The following SASS6 variants were observed in gnomAD, a reference collection of about 807,000 sequenced individuals.
The protein encoded by SASS6 is spindle assembly abnormal protein 6 homolog.
SASS6 carries 59 observed loss-of-function variants against 94.9 expected under a neutral mutation model. That is an observed-to-expected ratio of 0.62 (90% CI 0.50 to 0.77). The LOEUF is 0.77. Among genes scored for constraint, SASS6 ranks in the 30% least tolerant of loss-of-function variants. The probability of loss-of-function intolerance (pLI) is 0.00; values close to 1 mark genes in which losing one functional copy is unlikely to be tolerated. For synonymous variants in SASS6, 264 were observed against 270.0 expected (o/e 0.98, Z 0.22); for missense variants, 698 against 734.1 (o/e 0.95, Z 0.57).
chr1:100,131,392 CTT>C (rs1326303831), intron 1 of SASS6, among the ~76,000 whole-genome samples: 2 of 152,018 alleles, frequency 1.3e-5, no homozygotes, highest in Admixed American at 1.3e-4. Context: ...TTTAAAAAGA[CTT>C]TTAAAAGCAG....
At position 100,093,174 on chromosome 1, in the gene SASS6, C is replaced by CTTTTT. The variant is rs909537970; in HGVS notation, c.1675-4943_1675-4939dup. ...ACAAAAACAGAATACCTATTGTTTT[C>CTTTTT]TTTTTTTTTTTTTTTTTTTTTTTTG... On this transcript the variant is annotated intron_variant, in intron 14 of 16. Transcript: ENST00000287482. Among the ~76,000 whole-genome samples, 295 of 87,438 alleles carry CTTTTT rather than the reference C, an allele frequency of 3.4e-3. 2 individuals carry two copies. The highest frequency in any genetic ancestry group is 4.7e-3 in the East Asian group (12 of 2,572). 57.4% of individuals were successfully genotyped at this position (87,438 alleles called of 152,430 possible). A position where few individuals can be genotyped will look rare whatever the true frequency, so the allele number is the denominator to read the frequency against.
chr1:100,092,098 C>G (rs1025075675), intron 14 of SASS6, among the ~76,000 whole-genome samples: 1 of 150,252 alleles, frequency 6.7e-6, no homozygotes, highest in African/African-American at 2.4e-5. Context: ...CTTAGTAAAC[C>G]CCCAAAAGGA....
chr1:100,098,660 G>A (rs1652260873), intron 14 of SASS6, among the ~76,000 whole-genome samples: 1 of 150,490 alleles, frequency 6.6e-6, no homozygotes, highest in African/African-American at 2.5e-5. Flanking sequence ...CACTGTATGA[G>A]CATCTGGATT....
chr1:100,112,926 T>G lies in SASS6; in HGVS notation c.670-2443A>C, dbSNP rs183817990. On this transcript the variant is annotated intron_variant, in intron 7 of 16. Coordinates refer to ENST00000287482, the MANE Select transcript of SASS6 (RefSeq NM_194292.3). ...CAAATGATTCTCACGCACACTAAAG[T>G]TTTACATTATCTATTAGCAGGAAGA... is the stretch of plus-strand genomic sequence containing the variant. 2.1e-3 allele frequency among the ~76,000 whole-genome samples: 318 copies of G among 152,272 alleles called. 4 individuals are homozygous for G. The highest frequency in any genetic ancestry group is 1.6e-3 in the Non-Finnish European group (107 of 68,026).
rs562800173 is a variant in SASS6, at chr1:100,094,240, T to C, written c.1675-6004A>G. Among the ~76,000 whole-genome samples, 7 of 152,178 alleles carry C rather than the reference T, an allele frequency of 4.6e-5. No individual in the cohort carries two copies. In the South Asian group the frequency reaches 1.4e-3, roughly 32 times the overall value. ...TTAATCCTGTGAAAGTCACAAACTATCGAAACTGGCCTAAGAAGAAATAAA... is the reference window on the plus strand; with the variant it reads ...TTAATCCTGTGAAAGTCACAAACTACCGAAACTGGCCTAAGAAGAAATAAA... On this transcript the variant is annotated intron_variant, in intron 14 of 16. Coordinates refer to ENST00000287482, the MANE Select transcript of SASS6 (RefSeq NM_194292.3).
At position 100,102,993 on chromosome 1, in the gene SASS6, A is replaced by C. The variant is rs1216229857; in HGVS notation, c.1636T>G (p.Ser546Ala). The change falls in exon 14 of 17, where the codon TCT becomes GCT. Residue 546 changes from serine to alanine, a missense_variant. Coordinates refer to ENST00000287482, the MANE Select transcript of SASS6 (RefSeq NM_194292.3). The part of the protein sequence containing the change: ...AFQNTFPHSI[S>A]AKNTSHPGSG... ...CCAGGGTGGCTGGTATTTTTGGCAG[A>C]TATCGAATGAGGGAAGGTATTCTGG... 5 of 1,612,048 alleles carry C rather than the reference A, an allele frequency of 3.1e-6. No individual in the cohort carries two copies. Among genetic ancestry groups the C allele is most frequent in the Non-Finnish European group, 4.2e-6 (5 of 1,178,446 alleles).
At chr1:100,103,417 T>G (rs978393839) in intron 13 of SASS6, among the ~76,000 whole-genome samples, 1 of 152,148 alleles carries the variant, frequency 6.6e-6, no homozygotes, top group Non-Finnish European at 1.5e-5. Context: ...AGTCTGGAGA[T>G]CAATAGGCCA....
At chr1:100,095,652 C>T (rs1270209853) in intron 14 of SASS6, among the ~76,000 whole-genome samples, 1 of 152,212 alleles carries the variant, frequency 6.6e-6, no homozygotes, top group Non-Finnish European at 1.5e-5. Flanking sequence ...GATGACATAA[C>T]TGTCTATGTG....
chr1:100,101,188 G>A (rs1652472898), intron 14 of SASS6, among the ~76,000 whole-genome samples: 1 of 152,028 alleles, frequency 6.6e-6, no homozygotes, highest in African/African-American at 2.4e-5. Context: ...GGTTGATAGA[G>A]GCAGGTTTTA....
chr1:100,104,095 G>C (rs143417462), intron 13 of SASS6, among the ~76,000 whole-genome samples: 3 of 152,196 alleles, frequency 2.0e-5, no homozygotes, highest in Non-Finnish European at 4.4e-5. Context: ...ATAAATGTAT[G>C]ACTGGGTATC....
At chr1:100,129,063 A>G (rs1654830347) in intron 1 of SASS6, among the ~76,000 whole-genome samples, 1 of 152,018 alleles carries the variant, frequency 6.6e-6, no homozygotes, top group Non-Finnish European at 1.5e-5. Context: ...ACATAGCAAA[A>G]TCCTATCTCT....
At chr1:100,098,452 C>A (rs1319387283) in intron 14 of SASS6, among the ~76,000 whole-genome samples, 1 of 151,892 alleles carries the variant, frequency 6.6e-6, no homozygotes, top group Non-Finnish European at 1.5e-5. Context: ...TTTTACAGAA[C>A]AGGAAACATA....
chr1:100,121,483 T>A lies in SASS6; in HGVS notation c.378A>T (p.Val126=). 1 of 1,597,022 alleles carries A rather than the reference T, an allele frequency of 6.3e-7. No homozygotes were observed. The highest frequency in any genetic ancestry group is 2.2e-5 in the East Asian group (1 of 44,624). The change falls in exon 5 of 17, where the codon GTA becomes GTT. Residue 126 remains valine, a synonymous_variant. Transcript: ENST00000287482. Reference sequence around the variant, plus strand: ...TAAGATGCTTAAAAGGATTTGTCTCTACCACATTTAAAAATGCAGGTGAGT... The same window carrying A: ...TAAGATGCTTAAAAGGATTTGTCTCAACCACATTTAAAAATGCAGGTGAGT... ...LDNSPAFLNV[V]ETNPFKHLTH... is the part of the protein sequence containing the mutation.
intron 14 of SASS6, among the ~76,000 whole-genome samples, chr1:100,094,973 A>G (rs1652014428): frequency 6.6e-6 from 1 of 152,220 alleles, no homozygotes; most frequent in Admixed American, 6.5e-5. Flanking sequence ...AAAGGCTAAT[A>G]TAATCTTAAA....
chr1:100,122,379 C>T lies in SASS6; in HGVS notation c.311+1G>A, dbSNP rs369069352. The T allele has an allele frequency of 2.2e-6, 3 of 1,360,810 alleles. No homozygotes were observed. The highest frequency in any genetic ancestry group is 2.1e-6 in the Non-Finnish European group (2 of 962,226). 84.3% of individuals were successfully genotyped at this position (1,360,810 alleles called of 1,614,324 possible). ...TAATGTAGCATTCTCATGCAACTTA[C>T]CTTGGAATTTCTTTGGCATGTTCTT... On this transcript the variant is annotated splice_donor_variant, in intron 4 of 16. Coordinates refer to ENST00000287482, the MANE Select transcript of SASS6 (RefSeq NM_194292.3). LOFTEE classifies it high-confidence loss of function.
At chr1:100,086,362 T>C (rs1249390072) in intron 15 of SASS6, among the ~76,000 whole-genome samples, 1 of 152,178 alleles carries the variant, frequency 6.6e-6, no homozygotes, top group Non-Finnish European at 1.5e-5. Context: ...CCGGTGCCAC[T>C]TTTTGCTAGC....
At chr1:100,116,154 T>C (rs1358617270) in intron 7 of SASS6, among the ~76,000 whole-genome samples, 1 of 152,160 alleles carries the variant, frequency 6.6e-6, no homozygotes, top group Non-Finnish European at 1.5e-5. Context: ...ATGTTTATAA[T>C]GTACATGATA....
intron 5 of SASS6, 140 bp from the exon 6 acceptor site, chr1:100,120,599 T>G: frequency 1.8e-6 from 1 of 558,260 alleles, no homozygotes; most frequent in Non-Finnish European, 3.2e-6. Context: ...CTAAATCATT[T>G]TAACAAGATC....
intron 6 of SASS6, among the ~76,000 whole-genome samples, chr1:100,119,572 T>C (rs1296697960): frequency 2.0e-5 from 3 of 152,212 alleles, no homozygotes; most frequent in Non-Finnish European, 4.4e-5. Context: ...CCTCCAAGTC[T>C]CATGTTCAAA....
Sources: allele counts gnomAD v4.1 joint callset (sites outside exome capture counted in the v4.1 genomes callset), GRCh38; gene constraint gnomAD v4.1.1; transcripts MANE v1.5; gene names NCBI Gene and HGNC (gene_info 2026-07-23, HGNC 2026-07-21).